Variants in GLI2 observed in about 807,000 individuals in gnomAD.
GLI2 encodes the protein GLI family zinc finger 2, also known as transcription activator GLI2.
Under a neutral mutation model 78.9 loss-of-function variants are expected in GLI2, and 22 were observed. That is an observed-to-expected ratio of 0.28 (90% CI 0.20 to 0.40). The LOEUF (loss-of-function observed/expected upper bound fraction) is 0.40, where lower values mean the gene tolerates loss of function less well. Among genes scored for constraint, GLI2 ranks in the 10% least tolerant of loss-of-function variants. The pLI is 1.00. For synonymous variants in GLI2, 974 were observed against 963.7 expected (o/e 1.01, Z -0.20); for missense variants, 2,097 against 2,213.2 (o/e 0.95, Z 1.05).
At chr2:120,902,479 T>C (rs1177171853) in intron 2 of GLI2, among the ~76,000 whole-genome samples, 2 of 152,036 alleles carry the variant, frequency 1.3e-5, no homozygotes, top group Non-Finnish European at 2.9e-5. Flanking sequence ...TGCAGGAGAA[T>C]TAGAGCTCCA....
At chr2:120,796,818 T>G (rs1488771418) in intron 1 of GLI2, among the ~76,000 whole-genome samples, 3 of 152,242 alleles carry the variant, frequency 2.0e-5, no homozygotes, top group Admixed American at 6.5e-5. Flanking sequence ...GAACATTTAT[T>G]GAATGAATGG....
In GLI2 at chr2:120,797,511, T is replaced by C. The variant is rs201792283; in HGVS notation, c.148+43T>C. 2.9e-5 allele frequency: 46 copies of C among 1,583,726 alleles called. No homozygotes were observed. In the East Asian group the frequency reaches 8.9e-4, roughly 31 times the overall value. On this transcript the variant is annotated intron_variant, in intron 2 of 13. Transcript: ENST00000361492. ...CACTTGGAGGGCAGCAGGGGTGTTT[T>C]TCATTAGCCCGTTAGGATTTAATTA...
At chr2:120,805,319 G>A (rs1043913870) in intron 2 of GLI2, among the ~76,000 whole-genome samples, 1 of 152,258 alleles carries the variant, frequency 6.6e-6, no homozygotes. Context: ...CGTCACCTCT[G>A]TGTCACCTTG....
intron 2 of GLI2, among the ~76,000 whole-genome samples, chr2:120,923,420 G>A (rs1399183271): frequency 1.3e-5 from 2 of 151,408 alleles, no homozygotes; most frequent in East Asian, 3.9e-4. Flanking sequence ...CATATACACA[G>A]CAACACACAT....
chr2:120,962,615 C>T (rs4848666), intron 5 of GLI2, among the ~76,000 whole-genome samples: 121,983 of 152,132 alleles, frequency 0.8, 52,972 homozygotes, highest in East Asian at 1. Context: ...TTAAAACAGG[C>T]GCCTCCACAG....
intron 1 of GLI2, among the ~76,000 whole-genome samples, chr2:120,748,993 A>T (rs1682781407): frequency 6.6e-6 from 1 of 151,954 alleles, no homozygotes. Flanking sequence ...TCATACATTC[A>T]TTGACTGCAA....
At chr2:120,905,432 T>C (rs1474395395) in intron 2 of GLI2, among the ~76,000 whole-genome samples, 2 of 152,202 alleles carry the variant, frequency 1.3e-5, no homozygotes, top group African/African-American at 4.8e-5. Flanking sequence ...TATGGGTATG[T>C]GATCCTGCTT....
chr2:120,948,547 A>G (rs572365692), intron 3 of GLI2, among the ~76,000 whole-genome samples: 3 of 152,252 alleles, frequency 2.0e-5, no homozygotes, highest in African/African-American at 7.2e-5. Flanking sequence ...AGCTGCCTCC[A>G]TGGCAGCCCC....
chr2:120,913,647 T>C (rs900434251), intron 2 of GLI2, among the ~76,000 whole-genome samples: 2 of 152,202 alleles, frequency 1.3e-5, no homozygotes, highest in African/African-American at 4.8e-5. Flanking sequence ...TCCCAGAAAG[T>C]GGCCCTTACG....
chr2:120,877,532 C>T (rs1050539919), intron 2 of GLI2, among the ~76,000 whole-genome samples: 1 of 152,166 alleles, frequency 6.6e-6, no homozygotes, highest in Non-Finnish European at 1.5e-5. Flanking sequence ...TCACTAGCCA[C>T]CACTCCCCCA....
chr2:120,838,921 A>G (rs1686738660), intron 2 of GLI2, among the ~76,000 whole-genome samples: 1 of 152,314 alleles, frequency 6.6e-6, no homozygotes, highest in South Asian at 2.1e-4. Context: ...CTAGTGATGC[A>G]TATCTCAGCA....
At chr2:120,901,262 G>A (rs1678239501) in intron 2 of GLI2, among the ~76,000 whole-genome samples, 1 of 152,106 alleles carries the variant, frequency 6.6e-6, no homozygotes, top group Admixed American at 6.5e-5. Context: ...CTGGTCCTAA[G>A]TAAAAGATAA....
chr2:120,902,490 G>A (rs1302627325), intron 2 of GLI2, among the ~76,000 whole-genome samples: 1 of 152,176 alleles, frequency 6.6e-6, no homozygotes, highest in African/African-American at 2.4e-5. Flanking sequence ...TAGAGCTCCA[G>A]CCAGATTCCC....
At position 120,990,234 on chromosome 2, in the gene GLI2, G is replaced by A. The variant is rs200453915; in HGVS notation, c.4269G>A (p.Pro1423=). The A allele has an allele frequency of 2.9e-5, 46 of 1,613,646 alleles. No homozygotes were observed. The highest frequency in any genetic ancestry group is 1.9e-4 in the African/African-American group (14 of 75,050). The change falls in exon 14 of 14, where the codon CCG becomes CCA. Residue 1423 remains proline, a synonymous_variant. Transcript: ENST00000361492. ...CTCCGCAGGACGCAGGTGGGGCCCC[G>A]GACCACAGCATGCTCTACTACTACG... The part of the protein sequence containing the change: ...QPPPQDAGGA[P]DHSMLYYYGQ...
intron 2 of GLI2, among the ~76,000 whole-genome samples, chr2:120,804,330 C>T (rs1277376299): frequency 2.6e-5 from 4 of 152,134 alleles, no homozygotes; most frequent in African/African-American, 9.7e-5. Context: ...CAGGGCATTG[C>T]TTGTTCACCA....
intron 2 of GLI2, among the ~76,000 whole-genome samples, chr2:120,918,589 C>T (rs2104837336): frequency 6.6e-6 from 1 of 152,180 alleles, no homozygotes; most frequent in South Asian, 2.1e-4. Context: ...TACAGGCTTG[C>T]ACCACCACCC....
chr2:120,808,809 T>G (rs1685084255), intron 2 of GLI2, among the ~76,000 whole-genome samples: 1 of 152,172 alleles, frequency 6.6e-6, no homozygotes. Context: ...GCCTGGCATG[T>G]GGGCAGCGGG....
At chr2:120,778,505 G>A (rs1330216065) in intron 1 of GLI2, among the ~76,000 whole-genome samples, 1 of 152,194 alleles carries the variant, frequency 6.6e-6, no homozygotes, top group Non-Finnish European at 1.5e-5. Flanking sequence ...CTGTGTGGCG[G>A]GGCGTGTGAA....
chr2:120,825,072 G>A (rs1308724733), intron 2 of GLI2, among the ~76,000 whole-genome samples: 1 of 152,152 alleles, frequency 6.6e-6, no homozygotes, highest in Non-Finnish European at 1.5e-5. Context: ...CTGACCTCAA[G>A]TGGTCCCCTT....
Sources: allele counts gnomAD v4.1 joint callset (sites outside exome capture counted in the v4.1 genomes callset), GRCh38; gene constraint gnomAD v4.1.1; transcripts MANE v1.5; gene names NCBI Gene and HGNC (gene_info 2026-07-23, HGNC 2026-07-21).